Variants in SH3PXD2A observed in about 807,000 individuals in gnomAD.
SH3PXD2A encodes SH3 and PX domain-containing protein 2A.
A neutral mutation model predicts 115.2 loss-of-function variants in SH3PXD2A; 32 were observed. The observed-to-expected ratio is 0.28, with a 90% CI of 0.21 to 0.37. SH3PXD2A has a LOEUF of 0.37. Among genes scored for constraint, SH3PXD2A ranks in the 10% least tolerant of loss-of-function variants. SH3PXD2A has a pLI of 1.00. For missense variants in SH3PXD2A, 1,328 were observed against 1,498.7 expected, an observed-to-expected ratio of 0.89 and a Z score of 1.88; for synonymous variants, 610 against 629.1, an observed-to-expected ratio of 0.97 and a Z score of 0.45.
chr10:103,739,824 C>T (rs1053825510), intron 3 of SH3PXD2A, among the ~76,000 whole-genome samples: 1 of 152,198 alleles, frequency 6.6e-6, no homozygotes, highest in African/African-American at 2.4e-5. Flanking sequence ...GACGTCTAAG[C>T]AGTAACTGGA....
intron 5 of SH3PXD2A, among the ~76,000 whole-genome samples, chr10:103,702,681 C>T (rs1479450818): frequency 3.3e-5 from 5 of 151,304 alleles, no homozygotes; most frequent in Admixed American, 3.3e-4. Flanking sequence ...TGGGGCTGGA[C>T]TGAGCCCCAG....
rs140272902 is a variant in SH3PXD2A, at chr10:103,596,490, CACTT to C, written c.*5322_*5325del. On this transcript the variant is annotated 3_prime_UTR_variant, in exon 15 of 15. Transcript: ENST00000369774. ...GCCAGAATGATGTGTGTGAATGACA[CACTT>C]GCTGCCAGAAGCTGTGAGTCCCTTG... is the stretch of plus-strand genomic sequence containing the variant. 0.014 allele frequency: 2,074 copies of C among 152,634 alleles called. 25 individuals are homozygous for C. Among genetic ancestry groups the C allele is most frequent in the Middle Eastern group, 0.034 (10 of 292 alleles). 9.5% of individuals were successfully genotyped at this position (152,634 alleles called of 1,614,324 possible). A position where few individuals can be genotyped will look rare whatever the true frequency, so the allele number is the denominator to read the frequency against.
At chr10:103,764,623 A>G (rs565456615) in intron 3 of SH3PXD2A, among the ~76,000 whole-genome samples, 12 of 152,286 alleles carry the variant, frequency 7.9e-5, no homozygotes, top group African/African-American at 2.6e-4. Flanking sequence ...TTTATTATTT[A>G]CTGTAAGACA....
intron 1 of SH3PXD2A, among the ~76,000 whole-genome samples, chr10:103,812,121 T>C (rs549211584): frequency 1.3e-5 from 2 of 152,302 alleles, no homozygotes; most frequent in South Asian, 4.1e-4. Flanking sequence ...TTCTCCAGAG[T>C]ACCTGAGAGC....
At chr10:103,622,414 G>A in intron 10 of SH3PXD2A, 56 bp downstream of exon 10, 2 of 1,133,196 alleles carry the variant, frequency 1.8e-6, no homozygotes, top group Admixed American at 2.0e-5. Context: ...AAAGAGCAGT[G>A]TTAGCGAGAG....
At chr10:103,808,772 G>T (rs1402525998) in intron 1 of SH3PXD2A, among the ~76,000 whole-genome samples, 2 of 152,126 alleles carry the variant, frequency 1.3e-5, no homozygotes, top group East Asian at 1.9e-4. Flanking sequence ...TTCAACACAG[G>T]TGAGTCTGTC....
chr10:103,602,820 A>G lies in SH3PXD2A; in HGVS notation c.2398T>C (p.Ser800Pro), dbSNP rs765045700. 1.1e-5 allele frequency: 17 copies of G among 1,613,954 alleles called. No individual in the cohort carries two copies. Among genetic ancestry groups the G allele is most frequent in the Admixed American group, 1.7e-5 (1 of 60,006 alleles). ...GGLKGSKSEDSELPPQTASEA... is the reference protein window; with the variant it reads ...GGLKGSKSEDPELPPQTASEA... ...GAGGCCGTCTGCGGGGGCAGCTCCG[A>G]ATCCTCACTCTTGGAGCCCTTGAGC... is the stretch of plus-strand genomic sequence containing the variant. The change falls in exon 15 of 15, where the codon TCG (serine) becomes CCG (proline). Residue 800 changes from serine to proline, a missense_variant. Around this residue, in one of 5 missense-constraint regions of SH3PXD2A, gnomAD observed 574 missense variants for 565.7 expected, o/e 1.01. Transcript: ENST00000369774.
At chr10:103,664,156 C>A (rs113028153) in intron 7 of SH3PXD2A, among the ~76,000 whole-genome samples, 3 of 152,204 alleles carry the variant, frequency 2.0e-5, no homozygotes, top group African/African-American at 7.2e-5. Context: ...TAAGCGCACC[C>A]GGCACAAAAA....
intron 1 of SH3PXD2A, among the ~76,000 whole-genome samples, chr10:103,814,837 T>G (rs1477072385): frequency 6.6e-6 from 1 of 152,184 alleles, no homozygotes; most frequent in African/African-American, 2.4e-5. Flanking sequence ...AGACAACATG[T>G]CAGACCATTT....
Position 103,784,882 on chromosome 10 carries a change from CAG to C in SH3PXD2A, c.153+16398_153+16399del, listed in dbSNP as rs2038966364. Among the ~76,000 whole-genome samples the C allele has an allele frequency of 6.6e-6, 1 of 152,138 alleles. No homozygotes were observed. Among genetic ancestry groups the C allele is most frequent in the Non-Finnish European group, 1.5e-5 (1 of 68,018 alleles). On this transcript the variant is annotated intron_variant, in intron 2 of 14. Coordinates refer to ENST00000369774, the MANE Select transcript of SH3PXD2A (RefSeq NM_001394015.1). The surrounding 1 kb of genome is among the most constrained non-coding windows in gnomAD (Gnocchi z 4.4). ...TGGAGGCACATGTGTGGCTTACACGCAGAGACACCTGGGAGCGGCAGCCTACT... is the reference window on the plus strand; with the variant it reads ...TGGAGGCACATGTGTGGCTTACACGCAGACACCTGGGAGCGGCAGCCTACT...
At chr10:103,761,884 C>G (rs2038703025) in intron 3 of SH3PXD2A, among the ~76,000 whole-genome samples, 1 of 151,998 alleles carries the variant, frequency 6.6e-6, no homozygotes. Context: ...TGCTGTATGG[C>G]TAAGTGATGG....
chr10:103,664,351 C>A (rs184730698), intron 7 of SH3PXD2A, among the ~76,000 whole-genome samples: 7 of 152,346 alleles, frequency 4.6e-5, no homozygotes, highest in African/African-American at 9.6e-5. Flanking sequence ...TTCATCAGTG[C>A]TGACTTGGAG....
At chr10:103,634,540 G>A (rs2036836301) in intron 8 of SH3PXD2A, among the ~76,000 whole-genome samples, 1 of 152,246 alleles carries the variant, frequency 6.6e-6, no homozygotes, top group Admixed American at 6.5e-5. Context: ...CTTAGCCACT[G>A]TCAGCGGATA....
chr10:103,647,661 G>A (rs2037054973), intron 8 of SH3PXD2A, among the ~76,000 whole-genome samples: 2 of 152,138 alleles, frequency 1.3e-5, no homozygotes, highest in South Asian at 4.2e-4. Context: ...CAGGAACCCT[G>A]GATGCTCATT....
chr10:103,668,766 G>A (rs760183750), intron 6 of SH3PXD2A, 114 bp from the exon 7 acceptor site: 293 of 930,998 alleles, frequency 3.1e-4, no homozygotes, highest in Admixed American at 1.2e-3. Context: ...TCGGCCAGCC[G>A]CGGGCGGAAG....
At chr10:103,661,974 G>A (rs1425389887) in intron 7 of SH3PXD2A, 1 of 985,070 alleles carries the variant, frequency 1.0e-6, no homozygotes, top group Non-Finnish European at 1.2e-6. Flanking sequence ...CGCTGCCACC[G>A]AGCCCAGGCC....
At chr10:103,802,987 C>T (rs935120455) in intron 1 of SH3PXD2A, among the ~76,000 whole-genome samples, 1 of 152,230 alleles carries the variant, frequency 6.6e-6, no homozygotes. Flanking sequence ...CATTTAGACA[C>T]CTTGCCATCA....
At chr10:103,729,691 T>A (rs921885041) in intron 4 of SH3PXD2A, among the ~76,000 whole-genome samples, 53 of 152,202 alleles carry the variant, frequency 3.5e-4, no homozygotes, top group African/African-American at 1.3e-3. Flanking sequence ...GTGAGCTGGC[T>A]GAGAGCAGAT....
At chr10:103,714,551 C>T (rs1470246804) in intron 5 of SH3PXD2A, among the ~76,000 whole-genome samples, 2 of 152,238 alleles carry the variant, frequency 1.3e-5, no homozygotes, top group African/African-American at 2.4e-5. Context: ...GTCCTTGTTC[C>T]CCACGGCCAA....
Sources: allele counts gnomAD v4.1 joint callset (sites outside exome capture counted in the v4.1 genomes callset), GRCh38; gene constraint gnomAD v4.1.1; regional missense constraint gnomAD v4.1.1; non-coding constraint Gnocchi (gnomAD v3.1); transcripts MANE v1.5; gene names NCBI Gene and HGNC (gene_info 2026-07-23, HGNC 2026-07-21).